Variants in NBEA observed in about 807,000 individuals in gnomAD.
NBEA encodes the protein lysosomal-trafficking regulator 2.
A neutral mutation model predicts 343.4 loss-of-function variants in NBEA; 44 were observed. The ratio of observed to expected loss-of-function variants is 0.13; its 90% CI spans 0.10 to 0.16. The LOEUF (loss-of-function observed/expected upper bound fraction) is 0.16. Ranked by LOEUF, NBEA falls within the 10% of genes least tolerant of loss-of-function variation. The pLI, the probability that NBEA is intolerant of heterozygous loss-of-function variation, is 1.00. For missense variants in NBEA, 2,555 were observed against 3,631.3 expected (o/e 0.70, Z 7.62); for synonymous variants, 1,175 against 1,238.7 (o/e 0.95, Z 1.08).
At chr13:35,461,687 G>T (rs1463392318) in intron 40 of NBEA, among the ~76,000 whole-genome samples, 1 of 152,174 alleles carries the variant, frequency 6.6e-6, no homozygotes, top group African/African-American at 2.4e-5. Flanking sequence ...CCATACCTAA[G>T]AGTGTCCTGG....
chr13:35,070,613 T>G, intron 9 of NBEA, 106 bp from the exon 10 acceptor site: 2 of 1,024,382 alleles, frequency 2.0e-6, no homozygotes, highest in Non-Finnish European at 2.6e-6. Context: ...GGCTTAAAAA[T>G]GTCCAAGTAT....
At chr13:35,422,225 G>A (rs1260350493) in intron 38 of NBEA, among the ~76,000 whole-genome samples, 1 of 150,254 alleles carries the variant, frequency 6.7e-6, no homozygotes, top group Non-Finnish European at 1.5e-5. Context: ...GTATACACGT[G>A]CCATGTTGGT....
At chr13:35,059,643 A>ATTAAAT (rs2063393235) in intron 8 of NBEA, among the ~76,000 whole-genome samples, 1 of 151,722 alleles carries the variant, frequency 6.6e-6, no homozygotes, top group Admixed American at 6.6e-5. Context: ...CAATTTAAAT[A>ATTAAAT]ATTAATGTGA....
At chr13:35,640,699 G>A (rs1037233129) in intron 49 of NBEA, among the ~76,000 whole-genome samples, 3 of 152,164 alleles carry the variant, frequency 2.0e-5, no homozygotes, top group Non-Finnish European at 4.4e-5. Context: ...GTCCCTAATC[G>A]AAACTTTTCC....
intron 17 of NBEA, among the ~76,000 whole-genome samples, chr13:35,135,758 G>T (rs1023660326): frequency 4.6e-5 from 7 of 151,570 alleles, no homozygotes; most frequent in Non-Finnish European, 1.0e-4. Context: ...AACACATCCT[G>T]ATATACGTGT....
chr13:35,209,205 A>T (rs114195158), intron 32 of NBEA, among the ~76,000 whole-genome samples: 1 of 152,166 alleles, frequency 6.6e-6, no homozygotes, highest in African/African-American at 2.4e-5. Context: ...GAATATCAAG[A>T]TGTACTAAAA....
At chr13:35,176,006 T>A (rs2070871061) in intron 27 of NBEA, among the ~76,000 whole-genome samples, 1 of 152,286 alleles carries the variant, frequency 6.6e-6, no homozygotes, top group Admixed American at 6.5e-5. Context: ...CTGTAAATTA[T>A]GTATTATTTT....
chr13:35,189,303 G>T (rs2071995628), intron 30 of NBEA, among the ~76,000 whole-genome samples: 1 of 152,018 alleles, frequency 6.6e-6, no homozygotes, highest in Admixed American at 6.6e-5. Context: ...GCGAAGTTGA[G>T]CATTTTTTAT....
rs543117088 is a variant in NBEA, at chr13:35,156,996, A to G, written c.2652-82A>G. On this transcript the variant is annotated intron_variant, in intron 20 of 58. Transcript: ENST00000379939. Reference sequence around the variant, plus strand: ...ACTGAGGTCAGATCATATTTTCACTATTTTATTTATCAAAGTTTCAAAATA... The same window carrying G: ...ACTGAGGTCAGATCATATTTTCACTGTTTTATTTATCAAAGTTTCAAAATA... 169 of 1,187,042 alleles carry G rather than the reference A, an allele frequency of 1.4e-4. 1 individual carries two copies. The highest frequency in any genetic ancestry group is 1.2e-3 in the East Asian group (47 of 39,268). 73.5% of individuals were successfully genotyped at this position (1,187,042 alleles called of 1,614,324 possible).
rs563154951 is a variant in NBEA at position 34,997,362 on chromosome 13, G to A, written c.295-43571G>A. 7.9e-5 allele frequency among the ~76,000 whole-genome samples: 12 copies of A among 152,286 alleles called. No homozygotes were observed. In the South Asian group the frequency reaches 1.7e-3, roughly 21 times the overall value. On this transcript the variant is annotated intron_variant, in intron 1 of 58. Coordinates refer to ENST00000379939, the MANE Select transcript of NBEA (RefSeq NM_001385012.1). Reference sequence around the variant, plus strand: ...ACAATTCGAATAGATGGTTTGTAACGTCTTTTTCAGTTTTAAAATGCAGAT... The same window carrying A: ...ACAATTCGAATAGATGGTTTGTAACATCTTTTTCAGTTTTAAAATGCAGAT...
chr13:35,052,624 T>C (rs2063104907), intron 6 of NBEA, among the ~76,000 whole-genome samples: 2 of 151,912 alleles, frequency 1.3e-5, no homozygotes, highest in Admixed American at 1.3e-4. Context: ...TTTATTTTTA[T>C]TTTCTTTAGT....
chr13:35,594,013 G>A (rs987754548), intron 47 of NBEA, among the ~76,000 whole-genome samples: 1 of 152,004 alleles, frequency 6.6e-6, no homozygotes, highest in Non-Finnish European at 1.5e-5. Context: ...TTTACAGTTG[G>A]TACTGCTTAA....
At chr13:35,117,227 T>C (rs1176068521) in intron 13 of NBEA, among the ~76,000 whole-genome samples, 187 bp from the exon 14 acceptor site, 1 of 151,760 alleles carries the variant, frequency 6.6e-6, no homozygotes, top group Non-Finnish European at 1.5e-5. Flanking sequence ...TAATTTGAAA[T>C]TGTCAAAAAT....
chr13:35,104,802 G>A (rs1323216327), intron 11 of NBEA, among the ~76,000 whole-genome samples: 1 of 151,912 alleles, frequency 6.6e-6, no homozygotes, highest in East Asian at 1.9e-4. Context: ...TTGCCAAAAT[G>A]TGATCTTGTG....
In NBEA at chr13:34,942,775, C is replaced by T; in HGVS notation, c.-46C>T. 3.8e-6 allele frequency: 5 copies of T among 1,299,830 alleles called. No individual in the cohort carries two copies. Among genetic ancestry groups the T allele is most frequent in the East Asian group, 3.1e-5 (1 of 31,794 alleles). The allele number at this position is 1,299,830 out of a possible 1,614,324, so 80.5% of individuals were successfully genotyped here. ...GCCGAGGCAGGTATAACGGTACCGG[C>T]GGCGGCAGCGCCGCTGCTCTTCCCT... On this transcript the variant is annotated 5_prime_UTR_variant, in exon 1 of 59. Transcript: ENST00000379939.
intron 1 of NBEA, among the ~76,000 whole-genome samples, chr13:34,966,197 C>A (rs2059815679): frequency 6.6e-6 from 1 of 152,126 alleles, no homozygotes; most frequent in African/African-American, 2.4e-5. Context: ...GAGCAAGAGG[C>A]TTTTATAAGA....
chr13:34,985,618 C>T (rs1352425658), intron 1 of NBEA, among the ~76,000 whole-genome samples: 1 of 150,774 alleles, frequency 6.6e-6, no homozygotes, highest in Non-Finnish European at 1.5e-5. Context: ...GGAGTGCTAC[C>T]AGCTCCTTTT....
intron 17 of NBEA, among the ~76,000 whole-genome samples, chr13:35,136,230 G>A (rs1374916122): frequency 1.3e-5 from 2 of 152,070 alleles, no homozygotes; most frequent in African/African-American, 2.4e-5. Flanking sequence ...CAAAGCCAAC[G>A]GAATTCCTAG....
intron 1 of NBEA, among the ~76,000 whole-genome samples, chr13:34,967,032 A>G (rs991512788): frequency 3.4e-5 from 5 of 148,068 alleles, no homozygotes; most frequent in African/African-American, 5.0e-5. Context: ...TTTTACTTCT[A>G]TCTCCTCATT....
Sources: allele counts gnomAD v4.1 joint callset (sites outside exome capture counted in the v4.1 genomes callset), GRCh38; gene constraint gnomAD v4.1.1; transcripts MANE v1.5; gene names NCBI Gene and HGNC (gene_info 2026-07-23, HGNC 2026-07-21).